SLC9A9: variants seen among roughly 807,000 people sequenced by gnomAD.
SLC9A9 encodes solute carrier family 9 member A9.
SLC9A9 carries 62 observed loss-of-function variants against 77.8 expected under a neutral mutation model. That is an observed-to-expected ratio of 0.80 (90% CI 0.65 to 0.98). The LOEUF is 0.98. SLC9A9 is among the 50% of genes least tolerant of loss of function. SLC9A9 has a pLI of 0.00. For synonymous variants in SLC9A9, 320 were observed against 283.5 expected, an observed-to-expected ratio of 1.13 and a Z score of -1.29; for missense variants, 775 against 774.9, an observed-to-expected ratio of 1.00 and a Z score of 0.00.
intron 9 of SLC9A9, among the ~76,000 whole-genome samples, chr3:143,523,071 T>C (rs2036340065): frequency 6.6e-6 from 1 of 151,936 alleles, no homozygotes; most frequent in Admixed American, 6.6e-5. Flanking sequence ...CAGAATCCCA[T>C]GGGGAGAAAA....
chr3:143,765,851 T>C (rs1462938625), intron 4 of SLC9A9, among the ~76,000 whole-genome samples: 1 of 152,200 alleles, frequency 6.6e-6, no homozygotes, highest in Non-Finnish European at 1.5e-5. Flanking sequence ...TCCAATAGGA[T>C]GTTAGCAGAC....
rs142877963 is a variant in SLC9A9 at position 143,285,473 on chromosome 3, AGTG to A, written c.1605-16496_1605-16494del. On this transcript the variant is annotated intron_variant, in intron 14 of 15. Transcript: ENST00000316549. ...GCCAGCCATGGCTACATAAGTATGA[AGTG>A]GTGAAGCCAGGATGTGAACATAGGC... Among the ~76,000 whole-genome samples, 918 of 152,342 alleles carry A rather than the reference AGTG, an allele frequency of 6.0e-3. 11 individuals carry two copies. The highest frequency in any genetic ancestry group is 0.021 in the African/African-American group (873 of 41,572).
intron 12 of SLC9A9, among the ~76,000 whole-genome samples, chr3:143,429,742 G>A (rs186722880): frequency 7.2e-4 from 97 of 135,592 alleles, no homozygotes; most frequent in African/African-American, 2.7e-3. Flanking sequence ...GGCTGAGTGT[G>A]TGTGGAGTCC....
At chr3:143,755,490 A>T (rs2006893218) in intron 4 of SLC9A9, among the ~76,000 whole-genome samples, 1 of 152,208 alleles carries the variant, frequency 6.6e-6, no homozygotes. Flanking sequence ...GATCACTGTC[A>T]TTTAATATTA....
At chr3:143,495,543 C>T in intron 9 of SLC9A9, 95 bp from the exon 10 acceptor site, 2 of 936,050 alleles carry the variant, frequency 2.1e-6, no homozygotes, top group Non-Finnish European at 3.5e-6. Context: ...GACTGGGTCT[C>T]CTTTATCTGG....
chr3:143,534,115 A>G (rs1328184712), intron 9 of SLC9A9, among the ~76,000 whole-genome samples: 1 of 152,234 alleles, frequency 6.6e-6, no homozygotes, highest in East Asian at 1.9e-4. Context: ...TTATTAGATG[A>G]TACTTTGAAA....
At position 143,382,060 on chromosome 3, in the gene SLC9A9, C is replaced by T. The variant is rs753791847; in HGVS notation, c.1524G>A (p.Gln508=). The change falls in exon 13 of 16, where the codon CAG becomes CAA. Residue 508 remains glutamine (Q), a splice_region_variant and synonymous_variant. Coordinates refer to ENST00000316549, the MANE Select transcript of SLC9A9 (RefSeq NM_173653.4). ...ATGTGCATTGGTTTCTTTGACTTGC[C>T]TGGTGTTGTGAGGAGGGGTCCTCCT... The part of the protein sequence containing the change: ...NLKEDPSSQH[Q]EANNLDKNMT... 1.2e-6 allele frequency: 2 copies of T among 1,614,048 alleles called. No homozygotes were observed. Among genetic ancestry groups the T allele is most frequent in the South Asian group, 2.2e-5 (2 of 91,084 alleles).
chr3:143,558,374 T>C (rs922830316), intron 8 of SLC9A9, among the ~76,000 whole-genome samples: 1 of 152,078 alleles, frequency 6.6e-6, no homozygotes, highest in Non-Finnish European at 1.5e-5. Flanking sequence ...CCCAGAATTG[T>C]AGATCCACTG....
intron 6 of SLC9A9, among the ~76,000 whole-genome samples, chr3:143,614,524 G>T (rs2038072711): frequency 6.6e-6 from 1 of 152,146 alleles, no homozygotes; most frequent in South Asian, 2.1e-4. Context: ...ACAGACAATA[G>T]AGTACATCTT....
At chr3:143,310,866 C>A (rs910867884) in intron 14 of SLC9A9, among the ~76,000 whole-genome samples, 2 of 152,138 alleles carry the variant, frequency 1.3e-5, no homozygotes, top group Non-Finnish European at 2.9e-5. Flanking sequence ...AATTTAAGTT[C>A]TAGAAAGATA....
intron 13 of SLC9A9, among the ~76,000 whole-genome samples, chr3:143,364,733 T>C (rs2032853558): frequency 6.6e-6 from 1 of 152,216 alleles, no homozygotes; most frequent in Non-Finnish European, 1.5e-5. Flanking sequence ...TGTGCTTCAC[T>C]TTTAGTCAGC....
At chr3:143,401,708 G>C (rs2033865583) in intron 12 of SLC9A9, among the ~76,000 whole-genome samples, 1 of 152,072 alleles carries the variant, frequency 6.6e-6, no homozygotes, top group African/African-American at 2.4e-5. Flanking sequence ...GCTGGATCAG[G>C]TTTTCACAAG....
chr3:143,656,020 T>A lies in SLC9A9; in HGVS notation c.650-3660A>T, dbSNP rs368462918. Among the ~76,000 whole-genome samples the A allele has an allele frequency of 2.0e-5, 3 of 152,146 alleles. No homozygotes were observed. The East Asian group carries it at 5.8e-4, about 29-fold the overall frequency. On this transcript the variant is annotated intron_variant, in intron 5 of 15. Transcript: ENST00000316549. ...CAGAGAGAAAGGATGAGAAAACTGCTGGAGCAAGGTCTGGAGAAGGCAGAA... is the reference window on the plus strand; with the variant it reads ...CAGAGAGAAAGGATGAGAAAACTGCAGGAGCAAGGTCTGGAGAAGGCAGAA...
At position 143,266,214 on chromosome 3, in the gene SLC9A9, G is replaced by A. The variant is rs1937708182; in HGVS notation, c.*488C>T. 1.5e-6 allele frequency: 1 copy of A among 649,028 alleles called. No homozygotes were observed. The highest frequency in any genetic ancestry group is 2.8e-6 in the Non-Finnish European group (1 of 361,204). The allele number at this position is 649,028 out of a possible 1,614,324, so 40.2% of individuals were successfully genotyped here. ...CTGGGGTCACTGAGAGCAAATGGGA[G>A]TCAAGTCCTCAAAATAAGAAACTTA... On this transcript the variant is annotated 3_prime_UTR_variant, in exon 16 of 16. Transcript: ENST00000316549.
At chr3:143,513,761 T>C (rs1045598713) in intron 9 of SLC9A9, among the ~76,000 whole-genome samples, 2 of 152,236 alleles carry the variant, frequency 1.3e-5, no homozygotes, top group Non-Finnish European at 2.9e-5. Flanking sequence ...AAAACAACAT[T>C]CACCTCTTTG....
intron 12 of SLC9A9, among the ~76,000 whole-genome samples, chr3:143,465,863 C>T (rs1382793017): frequency 6.6e-6 from 1 of 152,204 alleles, no homozygotes; most frequent in Non-Finnish European, 1.5e-5. Context: ...TCCCTATTCA[C>T]CTTTAGTCAA....
intron 4 of SLC9A9, among the ~76,000 whole-genome samples, chr3:143,748,005 T>C (rs1242383756): frequency 6.6e-6 from 1 of 152,116 alleles, no homozygotes; most frequent in African/African-American, 2.4e-5. Flanking sequence ...CACGAACCCC[T>C]TTCCTAAGTC....
chr3:143,843,172 G>T (rs540807544), intron 1 of SLC9A9, among the ~76,000 whole-genome samples: 14 of 152,272 alleles, frequency 9.2e-5, no homozygotes, highest in African/African-American at 3.1e-4. Flanking sequence ...CAGCGGGAAG[G>T]GGGTGAAGTA....
At chr3:143,572,672 G>T (rs1380229939) in intron 8 of SLC9A9, among the ~76,000 whole-genome samples, 1 of 152,174 alleles carries the variant, frequency 6.6e-6, no homozygotes, top group African/African-American at 2.4e-5. Context: ...TGGTAGGGTG[G>T]AATCCAGTAA....
Sources: allele counts gnomAD v4.1 joint callset (sites outside exome capture counted in the v4.1 genomes callset), GRCh38; gene constraint gnomAD v4.1.1; transcripts MANE v1.5; gene names NCBI Gene and HGNC (gene_info 2026-07-23, HGNC 2026-07-21).